The following PAPPA variants were observed in gnomAD, a reference collection of about 807,000 sequenced individuals.
PAPPA encodes pappalysin 1, also known as pappalysin-1.
PAPPA carries 60 observed loss-of-function variants against 164.0 expected under a neutral mutation model. The observed-to-expected ratio is 0.37, with a 90% CI of 0.30 to 0.45. The LOEUF (loss-of-function observed/expected upper bound fraction) is 0.45, where lower values mean the gene tolerates loss of function less well. PAPPA is among the 20% of genes least tolerant of loss of function. The probability of loss-of-function intolerance (pLI) is 1.00; values close to 1 mark genes in which losing one functional copy is unlikely to be tolerated. For missense variants in PAPPA, 1,782 were observed against 2,087.3 expected (o/e 0.85, Z 2.85); for synonymous variants, 875 against 814.1 (o/e 1.07, Z -1.27).
chr9:116,360,386 C>T (rs1010051079), intron 17 of PAPPA, among the ~76,000 whole-genome samples: 5 of 152,156 alleles, frequency 3.3e-5, no homozygotes, highest in Admixed American at 3.3e-4. Flanking sequence ...GATGGGCCAC[C>T]CTTCTCCCAA....
At chr9:116,183,401 A>G (rs1843930473) in intron 1 of PAPPA, among the ~76,000 whole-genome samples, 1 of 152,174 alleles carries the variant, frequency 6.6e-6, no homozygotes, top group Non-Finnish European at 1.5e-5. Context: ...CTCCTTTTAC[A>G]GAGAAGGGAA....
At chr9:116,338,382 G>C (rs907018980) in intron 13 of PAPPA, among the ~76,000 whole-genome samples, 3 of 152,106 alleles carry the variant, frequency 2.0e-5, no homozygotes, top group African/African-American at 7.2e-5. Context: ...TTCTTCACAT[G>C]GCTAGATTAA....
chr9:116,345,963 T>G (rs1338348993), intron 14 of PAPPA, among the ~76,000 whole-genome samples: 1 of 152,216 alleles, frequency 6.6e-6, no homozygotes, highest in African/African-American at 2.4e-5. Context: ...CATTCCTTAC[T>G]GCTGGGAATG....
Position 116,220,035 on chromosome 9 carries a change from G to C in PAPPA, c.2017G>C (p.Ala673Pro), listed in dbSNP as rs905866563. The C allele has an allele frequency of 6.2e-7, 1 of 1,614,020 alleles. No homozygotes were observed. The highest frequency in any genetic ancestry group is 1.3e-5 in the African/African-American group (1 of 74,918). ...GGGCTGGCAGCCCTCCAGGAAACCAGCGCCTGTTGCCCTCGCCCCCCAAGT... is the reference window on the plus strand; with the variant it reads ...GGGCTGGCAGCCCTCCAGGAAACCACCGCCTGTTGCCCTCGCCCCCCAAGT... ...YQGWQPSRKP[A>P]PVALAPQVLG... Residue 673 changes from alanine to proline, a missense_variant, in exon 5 of 22, where the codon GCG becomes CCG. By Grantham distance (27) the Ala-to-Pro change is conservative. Transcript: ENST00000328252.
intron 1 of PAPPA, among the ~76,000 whole-genome samples, chr9:116,159,883 G>A (rs74320521): frequency 0.035 from 5,334 of 152,242 alleles, 320 homozygotes; most frequent in African/African-American, 0.12. Flanking sequence ...GAAAGTTGAG[G>A]ACCAGGGTCA....
chr9:116,351,328 G>C (rs1846279339), intron 15 of PAPPA, among the ~76,000 whole-genome samples: 1 of 152,190 alleles, frequency 6.6e-6, no homozygotes, highest in Admixed American at 6.5e-5. Context: ...TACTAATGAA[G>C]ATGAAAAGAA....
chr9:116,308,155 A>G (rs1462619413), intron 10 of PAPPA, among the ~76,000 whole-genome samples: 7 of 152,226 alleles, frequency 4.6e-5, no homozygotes, highest in Non-Finnish European at 1.0e-4. Context: ...GAGAAGCTTC[A>G]GAGAAGTACT....
intron 20 of PAPPA, among the ~76,000 whole-genome samples, chr9:116,379,433 C>T (rs1310688201): frequency 1.3e-5 from 2 of 152,256 alleles, no homozygotes; most frequent in Non-Finnish European, 2.9e-5. Flanking sequence ...CACTGAGAAC[C>T]TCTTATATGC....
At chr9:116,311,187 G>A (rs1686580445) in intron 10 of PAPPA, among the ~76,000 whole-genome samples, 1 of 150,362 alleles carries the variant, frequency 6.7e-6, no homozygotes, top group African/African-American at 2.4e-5. Context: ...CAACTTCCCT[G>A]AACCTCTCAA....
chr9:116,379,798 G>A (rs1419614474), intron 20 of PAPPA, among the ~76,000 whole-genome samples: 1 of 152,144 alleles, frequency 6.6e-6, no homozygotes. Context: ...AGGCTATTAG[G>A]GGTGGCATTT....
At chr9:116,301,052 A>G (rs939252929) in intron 9 of PAPPA, among the ~76,000 whole-genome samples, 4 of 152,050 alleles carry the variant, frequency 2.6e-5, no homozygotes, top group Non-Finnish European at 5.9e-5. Flanking sequence ...TAAGGGACAG[A>G]AACCAAACCC....
In PAPPA at chr9:116,401,854, GAAAAA is replaced by G. The variant is rs57523032; in HGVS notation, c.*5245_*5249del. On this transcript the variant is annotated 3_prime_UTR_variant, in exon 22 of 22. Coordinates refer to ENST00000328252, the MANE Select transcript of PAPPA (RefSeq NM_002581.5). The stretch of plus-strand genomic sequence containing the variant: ...AATTCTTCTGGCCTATTGTAAAAAA[GAAAAA>G]AAAAAAGAAAAAGAAGAAAGACACA... 5.7e-5 allele frequency: 8 copies of G among 139,320 alleles called. No homozygotes were observed. The highest frequency in any genetic ancestry group is 7.9e-5 in the Non-Finnish European group (5 of 63,562). The allele number at this position is 139,320 out of a possible 1,614,324, so 8.6% of individuals were successfully genotyped here.
At position 116,314,304 on chromosome 9, in the gene PAPPA, C is replaced by T. The variant is rs924929996; in HGVS notation, c.3147+11354C>T. Among the ~76,000 whole-genome samples the T allele has an allele frequency of 1.3e-5, 2 of 151,744 alleles. 1 individual carries two copies. Among genetic ancestry groups the T allele is most frequent in the Admixed American group, 1.3e-4 (2 of 15,238 alleles). On this transcript the variant is annotated intron_variant, in intron 10 of 21. Transcript: ENST00000328252. ...CAGGATGGTCTCGATCTCCTGATCT[C>T]GTGATCCACCTGCCTCAGCCTCCCA...
At chr9:116,217,504 A>G (rs902034290) in intron 4 of PAPPA, among the ~76,000 whole-genome samples, 2 of 152,114 alleles carry the variant, frequency 1.3e-5, no homozygotes, top group African/African-American at 4.8e-5. Flanking sequence ...TTGTATGTCT[A>G]TTTTACCCCT....
chr9:116,306,822 T>C (rs1178186485), intron 10 of PAPPA, among the ~76,000 whole-genome samples: 2 of 152,186 alleles, frequency 1.3e-5, no homozygotes, highest in African/African-American at 4.8e-5. Flanking sequence ...TCTACCAAAG[T>C]CTGTTTCCTC....
intron 10 of PAPPA, among the ~76,000 whole-genome samples, chr9:116,327,588 G>GA (rs66461009): frequency 8.0e-5 from 12 of 149,710 alleles, no homozygotes; most frequent in African/African-American, 2.7e-4. Context: ...TTTGGAAGGT[G>GA]AAAAAAAAAA....
At chr9:116,355,991 A>C (rs1392996144) in intron 17 of PAPPA, among the ~76,000 whole-genome samples, 2 of 152,212 alleles carry the variant, frequency 1.3e-5, no homozygotes, top group African/African-American at 4.8e-5. Context: ...TAAACATAGC[A>C]GAAATGCATG....
intron 9 of PAPPA, among the ~76,000 whole-genome samples, chr9:116,283,265 T>C (rs1369737355): frequency 6.6e-6 from 1 of 152,116 alleles, no homozygotes; most frequent in Non-Finnish European, 1.5e-5. Context: ...ATTAAAGATA[T>C]GAAGGGATTG....
At chr9:116,227,921 G>C (rs1844535361) in intron 6 of PAPPA, among the ~76,000 whole-genome samples, 1 of 152,102 alleles carries the variant, frequency 6.6e-6, no homozygotes, top group African/African-American at 2.4e-5. Context: ...ATATTTTGGG[G>C]CTTCAAGGCA....
Sources: gnomAD v4.1 joint callset for allele counts (sites outside exome capture counted in the v4.1 genomes callset) on GRCh38, gnomAD v4.1.1 for gene constraint, MANE v1.5 for transcripts, NCBI Gene and HGNC (gene_info 2026-07-23, HGNC 2026-07-21) for gene names.